Variants in GEMIN5 observed in about 807,000 individuals in gnomAD.
GEMIN5 encodes the protein gem-associated protein 5.
GEMIN5 carries 124 observed loss-of-function variants against 176.9 expected under a neutral mutation model. The ratio of observed to expected loss-of-function variants is 0.70; its 90% CI spans 0.61 to 0.81. The LOEUF is 0.81. Ranked by LOEUF, GEMIN5 falls within the 40% of genes least tolerant of loss-of-function variation. GEMIN5 has a pLI of 0.00. For missense variants in GEMIN5, 1,843 were observed against 1,814.6 expected (o/e 1.02, Z -0.28); for synonymous variants, 673 against 665.2 (o/e 1.01, Z -0.18).
At chr5:154,935,456 G>A (rs1251726094) in intron 3 of GEMIN5, among the ~76,000 whole-genome samples, 9 of 152,190 alleles carry the variant, frequency 5.9e-5, no homozygotes, top group East Asian at 1.9e-4. Flanking sequence ...TCCCAATGCC[G>A]CATCACTTTC....
chr5:154,899,267 G>A lies in GEMIN5; in HGVS notation c.3058C>T (p.Pro1020Ser). The A allele has an allele frequency of 6.2e-7, 1 of 1,612,752 alleles. No homozygotes were observed. Among genetic ancestry groups the A allele is most frequent in the East Asian group, 2.2e-5 (1 of 44,824 alleles). ...CTGAGGTACAAGTCCTTCAGGACTG[G>A]GTCCTCCGGGCGCAGCCGGGCCTTG... ...IAKARLRPED[P>S]VLKDLYLSWG... The change falls in exon 22 of 28, where the codon CCA (proline) becomes TCA (serine). Residue 1020 changes from proline (P) to serine (S), a missense_variant. Coordinates refer to ENST00000285873, the MANE Select transcript of GEMIN5 (RefSeq NM_015465.5).
At chr5:154,928,950 G>A (rs187420311) in intron 5 of GEMIN5, among the ~76,000 whole-genome samples, 117 of 151,448 alleles carry the variant, frequency 7.7e-4, no homozygotes, top group African/African-American at 2.7e-3. Flanking sequence ...TTGGCCGGGC[G>A]CGGTGGCTCA....
chr5:154,936,529 T>A (rs1463762734), intron 2 of GEMIN5, among the ~76,000 whole-genome samples: 1 of 152,228 alleles, frequency 6.6e-6, no homozygotes, highest in Non-Finnish European at 1.5e-5. Flanking sequence ...TCATTAAAAA[T>A]TTTTTAAATA....
chr5:154,896,838 GGA>G (rs1763362308), intron 23 of GEMIN5, among the ~76,000 whole-genome samples: 1 of 152,156 alleles, frequency 6.6e-6, no homozygotes, highest in African/African-American at 2.4e-5. Flanking sequence ...AAGCTGGCTG[GGA>G]GAGAAGAAAA....
intron 16 of GEMIN5, among the ~76,000 whole-genome samples, chr5:154,906,770 C>G (rs1763576914): frequency 6.6e-6 from 1 of 152,188 alleles, no homozygotes; most frequent in African/African-American, 2.4e-5. Flanking sequence ...AACTATGTGT[C>G]TAACAGCTAT....
At chr5:154,931,429 T>C (rs1367767581) in intron 5 of GEMIN5, 29 bp downstream of exon 5, 1 of 1,590,338 alleles carries the variant, frequency 6.3e-7, no homozygotes, top group Non-Finnish European at 8.6e-7. Flanking sequence ...TCAACATAGG[T>C]TACATCACAA....
intron 13 of GEMIN5, among the ~76,000 whole-genome samples, chr5:154,914,501 C>T (rs569773406): frequency 7.6e-4 from 101 of 132,752 alleles, no homozygotes; most frequent in Non-Finnish European, 1.4e-3. Context: ...GCTGATTACA[C>T]TATTTTACTT....
At chr5:154,897,914 GTTTTTTTT>G (rs35458616) in intron 23 of GEMIN5, among the ~76,000 whole-genome samples, 1 of 124,510 alleles carries the variant, frequency 8.0e-6, no homozygotes, top group Non-Finnish European at 1.6e-5. Flanking sequence ...TTTTTTTTGT[GTTTTTTTT>G]TTTTTTTTTG....
Position 154,898,515 on chromosome 5 carries a change from T to C in GEMIN5, c.3270A>G (p.Arg1090=). 2 of 1,614,178 alleles carry C rather than the reference T, an allele frequency of 1.2e-6. No individual in the cohort carries two copies. The highest frequency in any genetic ancestry group is 1.7e-6 in the Non-Finnish European group (2 of 1,180,026). ...TGGCCAGAAGCAGCTCTTGGGCACA[T>C]CTGAGAGCCAGGGAAGCAGACAACT... ...EDELSASLAL[R]CAQELLLANN... is the part of the protein sequence containing the mutation. The change falls in exon 23 of 28, where the codon AGA becomes AGG. Residue 1090 remains arginine, a synonymous_variant. Transcript: ENST00000285873.
At position 154,892,553 on chromosome 5, in the gene GEMIN5, G is replaced by C. The variant is rs1763254053; in HGVS notation, c.3598-4C>G. On this transcript the variant is annotated splice_region_variant and splice_polypyrimidine_tract_variant and intron_variant, in intron 24 of 27. Coordinates refer to ENST00000285873, the MANE Select transcript of GEMIN5 (RefSeq NM_015465.5). ...CATGGCAAATGTGAAGCAGGAGCTGGAGAGAGAAGCCAGAGTCTGAGTTAA... is the reference window on the plus strand; with the variant it reads ...CATGGCAAATGTGAAGCAGGAGCTGCAGAGAGAAGCCAGAGTCTGAGTTAA... 2.5e-6 allele frequency: 4 copies of C among 1,613,068 alleles called. No individual in the cohort carries two copies. The highest frequency in any genetic ancestry group is 2.7e-5 in the African/African-American group (2 of 75,060).
chr5:154,901,656 G>A (rs863650), intron 20 of GEMIN5, among the ~76,000 whole-genome samples, 170 bp from the exon 21 acceptor site: 146,213 of 152,334 alleles, frequency 0.96, 70,226 homozygotes, highest in South Asian at 0.99. Context: ...ACATTCTGAA[G>A]CATCAATTGT....
Position 154,927,532 on chromosome 5 carries a change from C to G in GEMIN5, c.933G>C (p.Trp311Cys). 6.2e-7 allele frequency: 1 copy of G among 1,604,156 alleles called. No homozygotes were observed. The highest frequency in any genetic ancestry group is 1.1e-5 in the South Asian group (1 of 90,514). The change falls in exon 7 of 28, where the codon TGG (tryptophan) becomes TGC (cysteine). Residue 311 changes from tryptophan (W) to cysteine (C), a missense_variant. Transcript: ENST00000285873. ...TCCGTCTCCAAGATTGAGTGAGATCCCATTGCAACAGTTCACCTCTGTGAA... is the reference window on the plus strand; with the variant it reads ...TCCGTCTCCAAGATTGAGTGAGATCGCATTGCAACAGTTCACCTCTGTGAA... ...SSCFGGELLQ[W>C]DLTQSWRRKY...
chr5:154,905,981 G>A (rs958443326), intron 16 of GEMIN5, among the ~76,000 whole-genome samples: 107 of 151,144 alleles, frequency 7.1e-4, no homozygotes, highest in African/African-American at 2.6e-3. Flanking sequence ...GTGAGCCACC[G>A]CTCCTGGCTT....
At chr5:154,937,843 T>A (rs1245390817) in intron 1 of GEMIN5, 125 bp downstream of exon 1, 12 of 810,570 alleles carry the variant, frequency 1.5e-5, no homozygotes, top group African/African-American at 1.8e-5. Context: ...GACTGTGGGC[T>A]GCCTCTCCTC....
At chr5:154,936,907 T>A (rs1486915262) in intron 2 of GEMIN5, 118 bp downstream of exon 2, 2 of 754,130 alleles carry the variant, frequency 2.7e-6, no homozygotes, top group Non-Finnish European at 4.3e-6. Context: ...TCTTATCTAA[T>A]TAATGAACAC....
rs1561712822 is a variant in GEMIN5, at chr5:154,901,334, C to G, written c.3014+5G>C. 2 of 1,613,346 alleles carry G rather than the reference C, an allele frequency of 1.2e-6. No homozygotes were observed. Among genetic ancestry groups the G allele is most frequent in the African/African-American group, 1.3e-5 (1 of 74,908 alleles). On this transcript the variant is annotated splice_donor_5th_base_variant and intron_variant, in intron 21 of 27. Coordinates refer to ENST00000285873, the MANE Select transcript of GEMIN5 (RefSeq NM_015465.5). ...GTATTATCCCAACTCTAGGACCACA[C>G]AGACCTGTAAAAATGGTTTGACTTG...
In GEMIN5 at chr5:154,917,941, T is replaced by G. The variant is rs747650314; in HGVS notation, c.1663A>C (p.Asn555His). Residue 555 changes from asparagine (N) to histidine (H), a missense_variant, in exon 12 of 28, where the codon AAT becomes CAT. By Grantham distance (68) the Asn-to-His change is moderately conservative (BLOSUM62 1). Coordinates refer to ENST00000285873, the MANE Select transcript of GEMIN5 (RefSeq NM_015465.5). ...GAAGCAAATACATACCCATCTTCAT[T>G]GCCAAGAGCCATGATTTTGCCATCT... ...KADGKIMALG[N>H]EDGSIEIFQI... 3 of 1,607,304 alleles carry G rather than the reference T, an allele frequency of 1.9e-6. No homozygotes were observed. Among genetic ancestry groups the G allele is most frequent in the Non-Finnish European group, 2.6e-6 (3 of 1,174,042 alleles).
chr5:154,904,394 T>C (rs1462536458), intron 18 of GEMIN5, 113 bp downstream of exon 18: 3 of 962,048 alleles, frequency 3.1e-6, no homozygotes, highest in Non-Finnish European at 4.8e-6. Flanking sequence ...AACATAAAAA[T>C]ACAGAAAACA....
intron 23 of GEMIN5, among the ~76,000 whole-genome samples, chr5:154,897,293 A>C (rs941513844): frequency 2.0e-5 from 3 of 152,220 alleles, no homozygotes; most frequent in African/African-American, 4.8e-5. Flanking sequence ...TAGAGAATGA[A>C]GAACTTAAAA....
Sources: gnomAD v4.1 joint callset for allele counts (sites outside exome capture counted in the v4.1 genomes callset) on GRCh38, gnomAD v4.1.1 for gene constraint, MANE v1.5 for transcripts, NCBI Gene and HGNC (gene_info 2026-07-23, HGNC 2026-07-21) for gene names.